The following ADCY2 variants were observed in gnomAD, a reference collection of about 807,000 sequenced individuals.
ADCY2 encodes adenylate cyclase type 2.
ADCY2 carries 31 observed loss-of-function variants against 125.2 expected under a neutral mutation model. That is an observed-to-expected ratio of 0.25 (90% confidence interval 0.19 to 0.33). ADCY2 has a LOEUF of 0.33. Ranked by LOEUF, ADCY2 falls within the 10% of genes least tolerant of loss-of-function variation. The probability of loss-of-function intolerance (pLI) is 1.00; values close to 1 mark genes in which losing one functional copy is unlikely to be tolerated. For missense variants in ADCY2, 904 were observed against 1,418.2 expected, an observed-to-expected ratio of 0.64 and a Z score of 5.82; for synonymous variants, 512 against 548.4, an observed-to-expected ratio of 0.93 and a Z score of 0.93.
intron 2 of ADCY2, among the ~76,000 whole-genome samples, chr5:7,446,096 G>A (rs1741240686): frequency 6.6e-6 from 1 of 152,134 alleles, no homozygotes; most frequent in African/African-American, 2.4e-5. Flanking sequence ...TATTAAGTAA[G>A]AGCTGGCATT....
At chr5:7,428,690 A>G (rs188372898) in intron 2 of ADCY2, among the ~76,000 whole-genome samples, 6 of 152,244 alleles carry the variant, frequency 3.9e-5, no homozygotes, top group African/African-American at 1.2e-4. Context: ...ATGTTCAAAC[A>G]TGATGCAGAA....
At chr5:7,595,514 T>A (rs1460192707) in intron 3 of ADCY2, among the ~76,000 whole-genome samples, 1 of 152,190 alleles carries the variant, frequency 6.6e-6, no homozygotes, top group Non-Finnish European at 1.5e-5. Context: ...GTTATTTTCT[T>A]TTATCTCACA....
intron 1 of ADCY2, among the ~76,000 whole-genome samples, chr5:7,409,078 A>G (rs961739150): frequency 1.3e-5 from 2 of 152,238 alleles, no homozygotes; most frequent in Non-Finnish European, 2.9e-5. Context: ...TGTCCATTGC[A>G]GGGACATAGA....
At chr5:7,676,022 A>T (rs1320584294) in intron 4 of ADCY2, among the ~76,000 whole-genome samples, 1 of 152,238 alleles carries the variant, frequency 6.6e-6, no homozygotes, top group Non-Finnish European at 1.5e-5. Context: ...TTTGAAAGTT[A>T]ATAAATACTT....
chr5:7,685,092 C>T (rs1358735307), intron 4 of ADCY2: 1 of 152,242 alleles, frequency 6.6e-6, no homozygotes, highest in Non-Finnish European at 1.5e-5. Context: ...ACATACGACC[C>T]AGACTCAGCC....
At chr5:7,700,437 A>G (rs1308016204) in intron 7 of ADCY2, among the ~76,000 whole-genome samples, 2 of 151,926 alleles carry the variant, frequency 1.3e-5, no homozygotes, top group Non-Finnish European at 2.9e-5. Context: ...GCATGATTGG[A>G]ATATTGTACT....
At chr5:7,514,249 T>C (rs749772997) in intron 2 of ADCY2, among the ~76,000 whole-genome samples, 1 of 152,204 alleles carries the variant, frequency 6.6e-6, no homozygotes, top group Non-Finnish European at 1.5e-5. Context: ...AGTGGAACCC[T>C]GATAGACCTG....
chr5:7,561,049 C>A (rs1271959755), intron 3 of ADCY2, among the ~76,000 whole-genome samples: 1 of 152,058 alleles, frequency 6.6e-6, no homozygotes, highest in Non-Finnish European at 1.5e-5. Flanking sequence ...TATTTTGTTC[C>A]CACTCACTTT....
chr5:7,486,683 C>G (rs1294520570), intron 2 of ADCY2, among the ~76,000 whole-genome samples: 2 of 151,992 alleles, frequency 1.3e-5, no homozygotes, highest in African/African-American at 4.8e-5. Flanking sequence ...TTTCTTGCCT[C>G]CATAAATTCT....
intron 3 of ADCY2, among the ~76,000 whole-genome samples, chr5:7,572,304 C>T (rs1242866894): frequency 6.6e-6 from 1 of 152,114 alleles, no homozygotes; most frequent in African/African-American, 2.4e-5. Flanking sequence ...CACAAACTTG[C>T]CAGCATCTGT....
At chr5:7,520,636 T>A in intron 2 of ADCY2, 102 bp from the exon 3 acceptor site, 1 of 1,264,744 alleles carries the variant, frequency 7.9e-7, no homozygotes. Context: ...AAAATGAGCA[T>A]GTCTCATGCT....
intron 3 of ADCY2, among the ~76,000 whole-genome samples, chr5:7,602,331 A>G (rs917489983): frequency 6.6e-6 from 1 of 152,126 alleles, no homozygotes; most frequent in African/African-American, 2.4e-5. Context: ...AACTCTCTTA[A>G]CCATATAATA....
Position 7,453,410 on chromosome 5 carries a change from T to C in ADCY2, c.408+38640T>C, listed in dbSNP as rs536252644. On this transcript the variant is annotated intron_variant, in intron 2 of 24. Transcript: ENST00000338316. The stretch of plus-strand genomic sequence containing the variant: ...GCTTTGTCAAAGATCAGTGTTATTG[T>C]AAGAAATTGCCACAGCCACCCCCAC... Among the ~76,000 whole-genome samples the C allele has an allele frequency of 2.4e-3, 371 of 152,290 alleles. 2 individuals carry two copies. The highest frequency in any genetic ancestry group is 8.7e-3 in the African/African-American group (361 of 41,564).
chr5:7,738,306 C>T (rs1164323012), intron 14 of ADCY2, among the ~76,000 whole-genome samples: 6 of 151,430 alleles, frequency 4.0e-5, no homozygotes, highest in South Asian at 2.1e-4. Flanking sequence ...GTTAGGACAG[C>T]GTGTATTAAG....
At chr5:7,666,120 G>A (rs1450275249) in intron 4 of ADCY2, among the ~76,000 whole-genome samples, 1 of 151,698 alleles carries the variant, frequency 6.6e-6, no homozygotes, top group African/African-American at 2.4e-5. Flanking sequence ...TTACAGGCGT[G>A]AGCCACTGCG....
rs1341344887 is a variant in ADCY2, at chr5:7,558,046, T to TTTTGG, written c.570+37150_570+37151insGGTTT. ...GCATCTGTTGTTTTGTTTTGTTTTG[T>TTTTGG]TTTTGGTTTTATTTTTTTTTTTTTG... On this transcript the variant is annotated intron_variant, in intron 3 of 24. Transcript: ENST00000338316. Among the ~76,000 whole-genome samples the TTTTGG allele has an allele frequency of 7.9e-4, 120 of 151,708 alleles. 1 individual carries two copies. The highest frequency in any genetic ancestry group is 2.8e-3 in the African/African-American group (115 of 41,432).
chr5:7,517,419 A>T (rs533675857), intron 2 of ADCY2, among the ~76,000 whole-genome samples: 1 of 152,324 alleles, frequency 6.6e-6, no homozygotes, highest in Admixed American at 6.5e-5. Flanking sequence ...TTAGTTTTAC[A>T]TATGGCCCTA....
intron 16 of ADCY2, among the ~76,000 whole-genome samples, chr5:7,766,345 A>T (rs1210083870): frequency 6.6e-6 from 1 of 152,206 alleles, no homozygotes; most frequent in African/African-American, 2.4e-5. Context: ...ATTTGATGGT[A>T]GAGAGTTGAA....
chr5:7,620,526 A>G (rs1469869627), intron 3 of ADCY2, among the ~76,000 whole-genome samples: 1 of 152,246 alleles, frequency 6.6e-6, no homozygotes, highest in Non-Finnish European at 1.5e-5. Context: ...AATGACTGAT[A>G]AAGAGCAGAA....
Sources: allele counts gnomAD v4.1 joint callset (sites outside exome capture counted in the v4.1 genomes callset), GRCh38; gene constraint gnomAD v4.1.1; transcripts MANE v1.5; gene names NCBI Gene and HGNC (gene_info 2026-07-23, HGNC 2026-07-21).